The following EDA variants were observed in gnomAD, a reference collection of about 807,000 sequenced individuals.
The protein encoded by EDA is ectodysplasin-A.
A neutral mutation model predicts 23.6 loss-of-function variants in EDA; 2 were observed. The ratio of observed to expected loss-of-function variants is 0.08; its 90% CI spans 0.03 to 0.27. EDA has a LOEUF of 0.27. EDA is among the 10% of genes least tolerant of loss of function. EDA has a pLI of 1.00. For missense variants in EDA, 229 were observed against 324.2 expected (o/e 0.71, Z 2.26); for synonymous variants, 131 against 132.0 (o/e 0.99, Z 0.05).
chrX:69,967,463 G>A (rs1424193444), intron 2 of EDA, among the ~76,000 whole-genome samples: 1 of 111,673 alleles, frequency 9.0e-6, no homozygotes, highest in Non-Finnish European at 1.9e-5. Flanking sequence ...TCAGGTACCA[G>A]TGGGAAATTC....
At chrX:69,952,738 C>T (rs1174543670) in intron 1 of EDA, among the ~76,000 whole-genome samples, 1 of 111,789 alleles carries the variant, frequency 8.9e-6, no homozygotes, top group African/African-American at 3.3e-5. Context: ...TTTGTTTCTC[C>T]CTCAACTCTC....
At chrX:69,622,503 A>G (rs990074191) in intron 1 of EDA, among the ~76,000 whole-genome samples, 2 of 112,114 alleles carry the variant, frequency 1.8e-5, no homozygotes, top group African/African-American at 6.5e-5. Flanking sequence ...ATGCATTTGC[A>G]TATCTTCTGT....
chrX:69,970,261 A>T (rs1487012554), intron 2 of EDA, among the ~76,000 whole-genome samples: 2 of 112,972 alleles, frequency 1.8e-5, no homozygotes, highest in Non-Finnish European at 3.7e-5. Flanking sequence ...TGGCCAAGTC[A>T]TGTAACCTCT....
At chrX:69,848,707 G>C (rs753743398) in intron 1 of EDA, among the ~76,000 whole-genome samples, 1 of 111,554 alleles carries the variant, frequency 9.0e-6, no homozygotes, top group African/African-American at 3.3e-5. Context: ...TATGAAATGT[G>C]CAGATTCCTG....
At chrX:69,651,581 A>G (rs1022248736) in intron 1 of EDA, among the ~76,000 whole-genome samples, 4 of 111,255 alleles carry the variant, frequency 3.6e-5, no homozygotes, top group African/African-American at 9.8e-5. Flanking sequence ...GAAGTTTAAT[A>G]AAATGAGGAG....
chrX:69,755,481 G>T (rs902418903), intron 1 of EDA, among the ~76,000 whole-genome samples: 2 of 112,008 alleles, frequency 1.8e-5, no homozygotes, highest in African/African-American at 6.5e-5. Context: ...CCTACTGGGA[G>T]GTGTCTCCCA....
At chrX:69,624,770 C>A (rs1199456642) in intron 1 of EDA, among the ~76,000 whole-genome samples, 1 of 105,979 alleles carries the variant, frequency 9.4e-6, no homozygotes, top group African/African-American at 3.5e-5. Context: ...CTTGTAGCTT[C>A]ATGAGTCTGT....
At chrX:69,891,479 A>G (rs1320837199) in intron 1 of EDA, among the ~76,000 whole-genome samples, 4 of 111,997 alleles carry the variant, frequency 3.6e-5, no homozygotes, top group African/African-American at 9.7e-5. Context: ...CCATTGTAGC[A>G]CTATTCACAA....
chrX:69,768,889 C>T (rs1241992700), intron 1 of EDA, among the ~76,000 whole-genome samples: 1 of 111,784 alleles, frequency 8.9e-6, no homozygotes, highest in Non-Finnish European at 1.9e-5. Context: ...TATTCATCAT[C>T]ATTCAGTTCA....
chrX:69,797,864 A>G (rs752920756), intron 1 of EDA, among the ~76,000 whole-genome samples: 1 of 112,270 alleles, frequency 8.9e-6, no homozygotes, highest in South Asian at 3.7e-4. Context: ...CATAAAAGAT[A>G]TAGACTGGCT....
At chrX:70,015,796 A>G (rs977863989) in intron 2 of EDA, among the ~76,000 whole-genome samples, 4 of 112,004 alleles carry the variant, frequency 3.6e-5, no homozygotes, top group Admixed American at 2.8e-4. Flanking sequence ...CATTGACACT[A>G]TAAAGCAACT....
chrX:69,935,533 C>G, intron 1 of EDA, among the ~76,000 whole-genome samples: 1 of 111,671 alleles, frequency 9.0e-6, no homozygotes, highest in Non-Finnish European at 1.9e-5. Flanking sequence ...GTAATACCCT[C>G]TGTTTTGAAA....
At position 69,860,492 on chromosome X, in the gene EDA, G is replaced by A. The variant is rs1349403120; in HGVS notation, c.397-96535G>A. Reference sequence around the variant, plus strand: ...ATTTCTCCTTTGCTTATGAAGCTTAGTTTGGCGGGATATGAAATTATGGGT... The same window carrying A: ...ATTTCTCCTTTGCTTATGAAGCTTAATTTGGCGGGATATGAAATTATGGGT... On this transcript the variant is annotated intron_variant, in intron 1 of 7. Transcript: ENST00000374552. 3.6e-5 allele frequency among the ~76,000 whole-genome samples: 4 copies of A among 111,396 alleles called. No individual in the cohort carries two copies. The Admixed American group carries it at 3.8e-4, about 11-fold the overall frequency.
chrX:69,638,735 C>T, intron 1 of EDA, among the ~76,000 whole-genome samples: 1 of 111,446 alleles, frequency 9.0e-6, no homozygotes, highest in East Asian at 2.8e-4. Flanking sequence ...TAGTCACAGA[C>T]CTGCTTTATT....
chrX:69,714,073 C>T (rs967143392), intron 1 of EDA, among the ~76,000 whole-genome samples: 12 of 110,956 alleles, frequency 1.1e-4, no homozygotes, highest in Admixed American at 9.6e-5. Context: ...TTCTTGCCAG[C>T]ATTTGGCACT....
chrX:69,965,164 G>A (rs1276669287), intron 2 of EDA, among the ~76,000 whole-genome samples: 1 of 111,886 alleles, frequency 8.9e-6, no homozygotes, highest in East Asian at 2.8e-4. Context: ...GCTGCAAACT[G>A]ATGGATGCTA....
chrX:69,856,003 T>C (rs1357907525), intron 1 of EDA, among the ~76,000 whole-genome samples: 1 of 110,419 alleles, frequency 9.1e-6, no homozygotes, highest in Non-Finnish European at 1.9e-5. Flanking sequence ...ACCCAAGCAG[T>C]ATACACTGCA....
chrX:69,888,978 T>TAGATAGATAGATATATATATA (rs1556026049), intron 1 of EDA, among the ~76,000 whole-genome samples: 5 of 16,013 alleles, frequency 3.1e-4, no homozygotes, highest in Admixed American at 2.8e-3. Flanking sequence ...TGTGGGGTAG[T>TAGATAGATAGATATATATATA]TATATATATA....
At chrX:69,619,302 A>T (rs1056337880) in intron 1 of EDA, among the ~76,000 whole-genome samples, 1 of 112,035 alleles carries the variant, frequency 8.9e-6, no homozygotes, top group Non-Finnish European at 1.9e-5. Flanking sequence ...GGAAGCTCTC[A>T]TGAGACCAAG....
Sources: allele counts gnomAD v4.1 joint callset (sites outside exome capture counted in the v4.1 genomes callset), GRCh38; gene constraint gnomAD v4.1.1; transcripts MANE v1.5; gene names NCBI Gene and HGNC (gene_info 2026-07-23, HGNC 2026-07-21).